The following HIBADH variants were observed in gnomAD, a reference collection of about 807,000 sequenced individuals.
HIBADH encodes the protein 3-hydroxyisobutyrate dehydrogenase.
A neutral mutation model predicts 36.1 loss-of-function variants in HIBADH; 25 were observed. That is an observed-to-expected ratio of 0.69 (90% CI 0.50 to 0.97). HIBADH has a LOEUF of 0.97. HIBADH is among the 50% of genes least tolerant of loss of function. HIBADH has a pLI of 0.00. For missense variants in HIBADH, 421 were observed against 418.0 expected (o/e 1.01, Z -0.06); for synonymous variants, 160 against 149.5 (o/e 1.07, Z -0.51).
intron 4 of HIBADH, among the ~76,000 whole-genome samples, chr7:27,601,171 A>G (rs1253005250): frequency 6.6e-6 from 1 of 152,134 alleles, no homozygotes; most frequent in Non-Finnish European, 1.5e-5. Flanking sequence ...TAATCTAGAA[A>G]GTATCTTTCA....
chr7:27,530,206 CTT>C (rs70994657), intron 7 of HIBADH, among the ~76,000 whole-genome samples: 4 of 149,516 alleles, frequency 2.7e-5, no homozygotes, highest in East Asian at 2.0e-4. Flanking sequence ...TATTCTTTTT[CTT>C]TTTTTTTTTC....
intron 4 of HIBADH, among the ~76,000 whole-genome samples, chr7:27,565,596 G>C (rs1161510119): frequency 6.6e-6 from 1 of 152,046 alleles, no homozygotes; most frequent in Admixed American, 6.6e-5. Flanking sequence ...TTTCTACATG[G>C]ACAATCATGT....
chr7:27,607,755 A>T (rs906152010), intron 4 of HIBADH, among the ~76,000 whole-genome samples: 1 of 152,126 alleles, frequency 6.6e-6, no homozygotes, highest in Non-Finnish European at 1.5e-5. Context: ...AAAAAAAAAA[A>T]ATGTTATAGC....
intron 7 of HIBADH, among the ~76,000 whole-genome samples, chr7:27,527,869 G>GC (rs1783928982): frequency 7.1e-6 from 1 of 141,382 alleles, no homozygotes; most frequent in Admixed American, 7.3e-5. Context: ...TCCTCCCGCA[G>GC]CCTCCTGAGC....
At chr7:27,567,165 T>C (rs1407282753) in intron 4 of HIBADH, among the ~76,000 whole-genome samples, 3 of 152,158 alleles carry the variant, frequency 2.0e-5, no homozygotes, top group Admixed American at 2.0e-4. Flanking sequence ...TGTTCATTTC[T>C]CCTTTTCATT....
chr7:27,616,095 G>A (rs1463375477), intron 4 of HIBADH, among the ~76,000 whole-genome samples: 1 of 152,212 alleles, frequency 6.6e-6, no homozygotes, highest in Non-Finnish European at 1.5e-5. Flanking sequence ...GCCTCAGGCT[G>A]CTTCCTCTCA....
chr7:27,548,039 C>T (rs140758456), intron 4 of HIBADH, among the ~76,000 whole-genome samples: 7 of 152,036 alleles, frequency 4.6e-5, no homozygotes, highest in African/African-American at 1.7e-4. Context: ...AAAGCAAATG[C>T]CCAAACTATG....
rs555035376 is a variant in HIBADH, at chr7:27,601,955, G to A, written c.484+27416C>T. On this transcript the variant is annotated intron_variant, in intron 4 of 7. Coordinates refer to ENST00000265395, the MANE Select transcript of HIBADH (RefSeq NM_152740.4). ...GAATGGTGTGATATCGATAGAACAA[G>A]AAAAAGTATTTTTCTCTATTTTGTT... 2.2e-3 allele frequency among the ~76,000 whole-genome samples: 336 copies of A among 152,040 alleles called. 2 individuals carry two copies. Among genetic ancestry groups the A allele is most frequent in the African/African-American group, 7.7e-3 (318 of 41,512 alleles).
In HIBADH at chr7:27,626,104, G is replaced by GAA. The variant is rs70994672; in HGVS notation, c.484+3265_484+3266dup. The stretch of plus-strand genomic sequence containing the variant: ...GGTGACACAGTGAGACTCCGTCTCA[G>GAA]AAAAAAAAAAAAAAAAAAAAAAGAT... On this transcript the variant is annotated intron_variant, in intron 4 of 7. Transcript: ENST00000265395. 2.3e-4 allele frequency among the ~76,000 whole-genome samples: 17 copies of GAA among 72,478 alleles called. 3 individuals carry two copies. Among genetic ancestry groups the GAA allele is most frequent in the East Asian group, 1.0e-3 (2 of 1,946 alleles). The allele number at this position is 72,478 out of a possible 152,430, so 47.5% of individuals were successfully genotyped here. A position where few individuals can be genotyped will look rare whatever the true frequency, so the allele number is the denominator to read the frequency against.
At chr7:27,580,086 T>C (rs1784767486) in intron 4 of HIBADH, among the ~76,000 whole-genome samples, 1 of 152,196 alleles carries the variant, frequency 6.6e-6, no homozygotes, top group Middle Eastern at 3.2e-3. Flanking sequence ...ATGTGGCTGT[T>C]TTCTACGATT....
At chr7:27,538,283 A>G in intron 6 of HIBADH, 58 bp downstream of exon 6, 1 of 1,307,122 alleles carries the variant, frequency 7.7e-7, no homozygotes, top group East Asian at 2.3e-5. Context: ...TTAACATCAG[A>G]AAATCAAATA....
At chr7:27,629,833 T>C (rs1489801875) in intron 3 of HIBADH, among the ~76,000 whole-genome samples, 2 of 152,268 alleles carry the variant, frequency 1.3e-5, no homozygotes, top group Admixed American at 6.5e-5. Context: ...CTATTAACTT[T>C]AAAAGGGTAT....
chr7:27,630,793 A>T (rs1785733759), intron 3 of HIBADH, among the ~76,000 whole-genome samples: 1 of 152,192 alleles, frequency 6.6e-6, no homozygotes, highest in African/African-American at 2.4e-5. Flanking sequence ...AATTTTAGAC[A>T]TATGAATTGT....
intron 4 of HIBADH, among the ~76,000 whole-genome samples, chr7:27,596,851 A>G (rs1478804138): frequency 6.6e-6 from 1 of 152,154 alleles, no homozygotes; most frequent in Non-Finnish European, 1.5e-5. Context: ...CAGTACTCAA[A>G]AAGTTTCAGA....
intron 1 of HIBADH, 86 bp from the exon 2 acceptor site, chr7:27,649,719 A>ATTTT: frequency 9.6e-7 from 1 of 1,043,964 alleles, no homozygotes; most frequent in Non-Finnish European, 1.3e-6. Flanking sequence ...CAATTGTTAG[A>ATTTT]TTTTTTTTTT....
chr7:27,535,869 T>A lies in HIBADH; in HGVS notation c.695+2472A>T, dbSNP rs187012749. Among the ~76,000 whole-genome samples, 1,119 of 152,122 alleles carry A rather than the reference T, an allele frequency of 7.4e-3. 10 individuals carry two copies. Among genetic ancestry groups the A allele is most frequent in the African/African-American group, 0.025 (1,026 of 41,510 alleles). ...GTAAGATTTTATTCTTCAATTTTTTTAAAAAAGGGGAACAGTGTTCCAGAA... is the reference window on the plus strand; with the variant it reads ...GTAAGATTTTATTCTTCAATTTTTTAAAAAAAGGGGAACAGTGTTCCAGAA... On this transcript the variant is annotated intron_variant, in intron 6 of 7. Transcript: ENST00000265395.
Position 27,627,581 on chromosome 7 carries a change from G to T in HIBADH, c.484+1790C>A, listed in dbSNP as rs73684008. On this transcript the variant is annotated intron_variant, in intron 4 of 7. Transcript: ENST00000265395. The stretch of plus-strand genomic sequence containing the variant: ...TAACACTTTGGTTTAACTTTATTTA[G>T]TTAAAATACAGTAATTTTTAAACCA... Among the ~76,000 whole-genome samples, 310 of 152,252 alleles carry T rather than the reference G, an allele frequency of 2.0e-3. 1 individual carries two copies. The highest frequency in any genetic ancestry group is 7.1e-3 in the African/African-American group (297 of 41,554).
chr7:27,576,915 C>T (rs1030722415), intron 4 of HIBADH, among the ~76,000 whole-genome samples: 4 of 152,150 alleles, frequency 2.6e-5, no homozygotes, highest in Non-Finnish European at 4.4e-5. Context: ...ATGCTACTAT[C>T]TATTCACTGC....
chr7:27,604,815 G>A (rs1785190959), intron 4 of HIBADH, among the ~76,000 whole-genome samples: 1 of 151,984 alleles, frequency 6.6e-6, no homozygotes, highest in African/African-American at 2.4e-5. Flanking sequence ...TATAAGGGAG[G>A]GGAGGGTTTT....
Sources: allele counts gnomAD v4.1 joint callset (sites outside exome capture counted in the v4.1 genomes callset), GRCh38; gene constraint gnomAD v4.1.1; transcripts MANE v1.5; gene names NCBI Gene and HGNC (gene_info 2026-07-23, HGNC 2026-07-21).